C6: variants seen among roughly 807,000 people sequenced by gnomAD.
C6 encodes the protein complement component C6.
In C6, 101 loss-of-function variants were observed where a neutral mutation model predicts 112.9. That is an observed-to-expected ratio of 0.89 (90% CI 0.76 to 1.06). C6 has a LOEUF of 1.06. Ranked by LOEUF, C6 falls within the 50% of genes least tolerant of loss-of-function variation. The pLI, the probability that C6 is intolerant of heterozygous loss-of-function variation, is 0.00. For missense variants in C6, 1,202 were observed against 1,104.6 expected, an observed-to-expected ratio of 1.09 and a Z score of -1.25; for synonymous variants, 431 against 384.1, an observed-to-expected ratio of 1.12 and a Z score of -1.43.
chr5:41,160,334 G>C lies in C6; in HGVS notation c.1492C>G (p.Pro498Ala), dbSNP rs1747362621. The change falls in exon 11 of 18, where the codon CCC becomes GCC. Residue 498 changes from proline to alanine, a missense_variant. Coordinates refer to ENST00000337836, the MANE Select transcript of C6 (RefSeq NM_000065.5). ...TTGTTCCGTTTTGTCACTGCACAGG[G>C]GATGTTTCTTACCAAGTCCACGATG... ...APIVDLVRNIPCAVTKRNNLR... is the reference protein window; with the variant it reads ...APIVDLVRNIACAVTKRNNLR... The C allele has an allele frequency of 6.2e-7, 1 of 1,613,644 alleles. No homozygotes were observed. The highest frequency in any genetic ancestry group is 1.3e-5 in the African/African-American group (1 of 74,860).
chr5:41,160,462 G>A (rs1471441777), intron 10 of C6, 95 bp from the exon 11 acceptor site: 29 of 973,764 alleles, frequency 3.0e-5, no homozygotes, highest in Non-Finnish European at 3.5e-5. Flanking sequence ...GGGAAAGCCT[G>A]AAAATTTTAC....
At chr5:41,169,870 A>G (rs1748283490) in intron 9 of C6, among the ~76,000 whole-genome samples, 1 of 152,210 alleles carries the variant, frequency 6.6e-6, no homozygotes. Context: ...TACAAATCCA[A>G]ACCATATCAG....
intron 5 of C6, among the ~76,000 whole-genome samples, chr5:41,190,816 A>AT (rs1750135765): frequency 6.6e-6 from 1 of 152,134 alleles, no homozygotes; most frequent in Non-Finnish European, 1.5e-5. Flanking sequence ...ATTCTTCTGC[A>AT]TATGGATATC....
chr5:41,259,602 C>A (rs1337724253), intron 1 of C6, among the ~76,000 whole-genome samples: 2 of 151,726 alleles, frequency 1.3e-5, no homozygotes, highest in African/African-American at 4.8e-5. Flanking sequence ...CAGCACATTA[C>A]CACCTTAAAA....
At chr5:41,256,443 T>A (rs374927494) in intron 1 of C6, among the ~76,000 whole-genome samples, 456 of 122,768 alleles carry the variant, frequency 3.7e-3, no homozygotes, top group East Asian at 4.8e-3. Flanking sequence ...AAAAAAAAAG[T>A]AAAAAAAAAA....
chr5:41,222,144 C>T (rs111394178), intron 1 of C6, among the ~76,000 whole-genome samples: 1,693 of 146,560 alleles, frequency 0.012, 37 homozygotes, highest in African/African-American at 0.041. Context: ...GTTGCCTGGG[C>T]GACAGAGAGA....
At chr5:41,234,033 C>A (rs546798030) in intron 1 of C6, among the ~76,000 whole-genome samples, 1 of 151,964 alleles carries the variant, frequency 6.6e-6, no homozygotes, top group Non-Finnish European at 1.5e-5. Context: ...ATATATGATA[C>A]ATAGATGAGT....
rs1335493941 is a variant in C6 at position 41,176,485 on chromosome 5, T to C, written c.1158A>G (p.Leu386=). 2.5e-6 allele frequency: 4 copies of C among 1,613,466 alleles called. 1 individual carries two copies. Among genetic ancestry groups the C allele is most frequent in the South Asian group, 2.2e-5 (2 of 91,064 alleles). The change falls in exon 8 of 18, where the codon CTA becomes CTG. Residue 386 remains leucine (L), a synonymous_variant. Coordinates refer to ENST00000337836, the MANE Select transcript of C6 (RefSeq NM_000065.5). ...DLLYQFSSEE[L]KNSGLTEEEA... is the part of the protein sequence containing the mutation. ...ACTGAAGAAAGTTACCTGAGTTCTTTAGTTCCTCACTGCTAAACTGATAGA... is the reference window on the plus strand; with the variant it reads ...ACTGAAGAAAGTTACCTGAGTTCTTCAGTTCCTCACTGCTAAACTGATAGA...
At chr5:41,228,908 C>T (rs1739698342) in intron 1 of C6, among the ~76,000 whole-genome samples, 2 of 152,052 alleles carry the variant, frequency 1.3e-5, no homozygotes, top group South Asian at 2.1e-4. Flanking sequence ...GGAATATTGA[C>T]CTGTAGTTTT....
upstream of C6, among the ~76,000 whole-genome samples, chr5:41,216,898 A>C (rs1213525706): frequency 6.6e-6 from 1 of 152,140 alleles, no homozygotes; most frequent in Non-Finnish European, 1.5e-5. Context: ...GGAAACCACG[A>C]AATTAGCTAC....
intron 1 of C6, among the ~76,000 whole-genome samples, chr5:41,220,865 T>C (rs948524542): frequency 6.6e-6 from 1 of 152,066 alleles, no homozygotes; most frequent in African/African-American, 2.4e-5. Context: ...CCTTCTCCCC[T>C]GACCCAATAG....
At chr5:41,260,362 C>G (rs1285195394) in intron 1 of C6, among the ~76,000 whole-genome samples, 1 of 152,098 alleles carries the variant, frequency 6.6e-6, no homozygotes, top group Non-Finnish European at 1.5e-5. Context: ...GACTTTCAAA[C>G]ACGTTATATC....
chr5:41,155,049 C>A lies in C6; in HGVS notation c.2024G>T (p.Gly675Val). The change falls in exon 14 of 18, where the codon GGC becomes GTC. Residue 675 changes from glycine to valine, a missense_variant. Transcript: ENST00000337836. ...GEDVEISCLTGFETVGYQYFR... is the reference protein window; with the variant it reads ...GEDVEISCLTVFETVGYQYFR... ...GTACTGGTATCCAACAGTTTCAAAG[C>A]CAGTAAGGCATGAAATTTCAACATC... is the stretch of plus-strand genomic sequence containing the variant. 6.2e-7 allele frequency: 1 copy of A among 1,613,606 alleles called. No individual in the cohort carries two copies. The highest frequency in any genetic ancestry group is 1.1e-5 in the South Asian group (1 of 91,074).
At chr5:41,203,061 A>T (rs375516833) in intron 2 of C6, 27 bp downstream of exon 2, 1 of 1,613,158 alleles carries the variant, frequency 6.2e-7, no homozygotes, top group Non-Finnish European at 8.5e-7. Context: ...CCAGGACACA[A>T]AGAAAAGCCA....
chr5:41,146,121 C>T (rs577046278), intron 17 of C6, among the ~76,000 whole-genome samples: 2 of 152,264 alleles, frequency 1.3e-5, no homozygotes, highest in African/African-American at 4.8e-5. Context: ...AAGGGTGCCT[C>T]ATCTTAAAAC....
At chr5:41,225,417 A>G (rs1580224498) in intron 1 of C6, among the ~76,000 whole-genome samples, 2 of 152,300 alleles carry the variant, frequency 1.3e-5, no homozygotes, top group East Asian at 1.9e-4. Flanking sequence ...TTACGGCTGC[A>G]TAGTATTCCA....
At chr5:41,160,506 C>T (rs925289510) in intron 10 of C6, 139 bp from the exon 11 acceptor site, 7 of 715,018 alleles carry the variant, frequency 9.8e-6, no homozygotes, top group African/African-American at 1.7e-5. Flanking sequence ...TATAGTATTG[C>T]ACCTGTTGAA....
intron 13 of C6, among the ~76,000 whole-genome samples, chr5:41,156,442 C>G (rs1202074029): frequency 6.6e-6 from 1 of 152,166 alleles, no homozygotes; most frequent in Non-Finnish European, 1.5e-5. Context: ...AGATCTCTGT[C>G]TCATAAATCT....
chr5:41,204,853 T>C (rs759114668), intron 1 of C6, among the ~76,000 whole-genome samples: 1 of 152,018 alleles, frequency 6.6e-6, no homozygotes, highest in Admixed American at 6.6e-5. Flanking sequence ...GAATTTTTAG[T>C]AGAGACGGGG....
Sources: allele counts gnomAD v4.1 joint callset (sites outside exome capture counted in the v4.1 genomes callset), GRCh38; gene constraint gnomAD v4.1.1; transcripts MANE v1.5; gene names NCBI Gene and HGNC (gene_info 2026-07-23, HGNC 2026-07-21).